The following COL11A1 variants were observed in gnomAD, a reference collection of about 807,000 sequenced individuals.
COL11A1 encodes collagen alpha-1(XI) chain.
In COL11A1, 74 loss-of-function variants were observed where a neutral mutation model predicts 265.2. The observed-to-expected ratio is 0.28, with a 90% CI of 0.23 to 0.34. COL11A1 has a LOEUF of 0.34. COL11A1 is among the 10% of genes least tolerant of loss of function. COL11A1 has a pLI of 1.00. For missense variants in COL11A1, 2,165 were observed against 2,263.6 expected (o/e 0.96, Z 0.88); for synonymous variants, 816 against 727.6 (o/e 1.12, Z -1.96).
At chr1:102,916,707 T>C (rs181759371) in intron 49 of COL11A1, among the ~76,000 whole-genome samples, 179 of 152,098 alleles carry the variant, frequency 1.2e-3, no homozygotes, top group African/African-American at 3.9e-3. Flanking sequence ...AATTACCCAC[T>C]TAATGGTGGA....
In COL11A1 at chr1:102,899,505, A is replaced by G. The variant is rs984710400; in HGVS notation, c.4087-511T>C. On this transcript the variant is annotated intron_variant, in intron 54 of 66. Transcript: ENST00000370096. ...GATGGTCAACAGACACAGTATTTTC[A>G]TTTTTGAGAACTATGCAGTTCACAT... 2.0e-5 allele frequency among the ~76,000 whole-genome samples: 3 copies of G among 152,150 alleles called. No homozygotes were observed. The East Asian group carries it at 5.8e-4, about 29-fold the overall frequency.
At chr1:102,914,437 A>G in intron 51 of COL11A1, 32 bp from the exon 52 acceptor site, 3 of 1,559,580 alleles carry the variant, frequency 1.9e-6, no homozygotes, top group Non-Finnish European at 2.6e-6. Flanking sequence ...AAAAGAAATA[A>G]ATGAAAAATA....
chr1:102,908,891 C>A lies in COL11A1; in HGVS notation c.4086+3268G>T, dbSNP rs1654313967. Among the ~76,000 whole-genome samples, 4 of 152,042 alleles carry A rather than the reference C, an allele frequency of 2.6e-5. No homozygotes were observed. In the South Asian group the frequency reaches 8.3e-4, roughly 31 times the overall value. ...TAACAATGTTGTCTAGTTAGAAATA[C>A]TGGCAGGAATGAGAGTAACATAATT... On this transcript the variant is annotated intron_variant, in intron 54 of 66. Coordinates refer to ENST00000370096, the MANE Select transcript of COL11A1 (RefSeq NM_001854.4).
At chr1:102,911,151 A>T (rs1654625578) in intron 54 of COL11A1, among the ~76,000 whole-genome samples, 1 of 152,126 alleles carries the variant, frequency 6.6e-6, no homozygotes, top group African/African-American at 2.4e-5. Flanking sequence ...TAGACACAAT[A>T]ATAATAATAA....
chr1:102,929,197 T>A (rs1219255885), intron 46 of COL11A1, among the ~76,000 whole-genome samples: 12 of 131,096 alleles, frequency 9.2e-5, no homozygotes, highest in Admixed American at 1.6e-4. Context: ...AATGCCTAGG[T>A]TTTCTCCTAG....
At chr1:103,101,477 A>C (rs1415358) in intron 1 of COL11A1, among the ~76,000 whole-genome samples, 145,490 of 151,890 alleles carry the variant, frequency 0.96, 69,961 homozygotes, top group Non-Finnish European at 1. Flanking sequence ...TCTTATTAGC[A>C]AGCTACTGCT....
chr1:102,996,722 A>G (rs2101798643), intron 26 of COL11A1, among the ~76,000 whole-genome samples: 1 of 152,096 alleles, frequency 6.6e-6, no homozygotes, highest in Non-Finnish European at 1.5e-5. Flanking sequence ...TTAACATTTA[A>G]TTAGATAATG....
At chr1:103,010,129 A>G (rs1665978699) in intron 14 of COL11A1, among the ~76,000 whole-genome samples, 1 of 152,200 alleles carries the variant, frequency 6.6e-6, no homozygotes, top group Non-Finnish European at 1.5e-5. Flanking sequence ...TGAATGTTTT[A>G]TGATACAGTC....
chr1:103,086,439 C>T (rs540016334), intron 1 of COL11A1, among the ~76,000 whole-genome samples: 18 of 150,412 alleles, frequency 1.2e-4, no homozygotes, highest in African/African-American at 3.9e-4. Flanking sequence ...GTTTTTGAGA[C>T]GGAGTCTTGC....
intron 6 of COL11A1, chr1:103,026,012 A>G (rs1667482894): frequency 1.3e-6 from 2 of 1,539,774 alleles, no homozygotes; most frequent in Admixed American, 1.7e-5. Context: ...GGAAATATAG[A>G]GCACAGATGA....
rs1571067732 is a variant in COL11A1, at chr1:103,022,733, T to A, written c.1245+9A>T. ...ACATACAATGACACAGTGCATAGTA[T>A]CAACTTACGCTTGTTTCTGTAATAT... On this transcript the variant is annotated intron_variant, in intron 8 of 66. Coordinates refer to ENST00000370096, the MANE Select transcript of COL11A1 (RefSeq NM_001854.4). 6.8e-6 allele frequency: 11 copies of A among 1,613,416 alleles called. No homozygotes were observed. The highest frequency in any genetic ancestry group is 9.3e-6 in the Non-Finnish European group (11 of 1,179,950).
intron 6 of COL11A1, 178 bp from the exon 7 acceptor site, chr1:103,025,791 C>G (rs780770165): frequency 1.2e-6 from 2 of 1,612,690 alleles, no homozygotes; most frequent in South Asian, 2.2e-5. Flanking sequence ...ATTGCTTTTT[C>G]TTCGCTACCT....
At chr1:102,925,419 A>G (rs1181470754) in intron 46 of COL11A1, among the ~76,000 whole-genome samples, 1 of 152,084 alleles carries the variant, frequency 6.6e-6, no homozygotes, top group African/African-American at 2.4e-5. Flanking sequence ...TACTGAATAT[A>G]TTTATATATT....
intron 4 of COL11A1, among the ~76,000 whole-genome samples, chr1:103,034,363 C>A (rs890488231): frequency 6.6e-5 from 10 of 151,196 alleles, no homozygotes; most frequent in South Asian, 2.1e-4. Flanking sequence ...CTGAGGCTGT[C>A]AACTTTTTTT....
At chr1:103,072,195 T>A (rs912555251) in intron 4 of COL11A1, among the ~76,000 whole-genome samples, 1 of 151,938 alleles carries the variant, frequency 6.6e-6, no homozygotes, top group Non-Finnish European at 1.5e-5. Flanking sequence ...TTTAAAATCA[T>A]CTTCAGTTTT....
intron 46 of COL11A1, among the ~76,000 whole-genome samples, chr1:102,925,198 A>C (rs1656458427): frequency 6.6e-6 from 1 of 152,088 alleles, no homozygotes; most frequent in Non-Finnish European, 1.5e-5. Context: ...ATTTTACTTA[A>C]TGCTCCCTAA....
At chr1:103,101,782 T>C (rs1399276875) in intron 1 of COL11A1, among the ~76,000 whole-genome samples, 2 of 152,088 alleles carry the variant, frequency 1.3e-5, no homozygotes, top group African/African-American at 4.8e-5. Flanking sequence ...CAAAAGTTAA[T>C]TGTGCTAAAG....
chr1:102,899,953 C>T (rs1047349820), intron 54 of COL11A1, among the ~76,000 whole-genome samples: 6 of 152,122 alleles, frequency 3.9e-5, no homozygotes, highest in African/African-American at 1.4e-4. Flanking sequence ...TTGGAGGGTA[C>T]AACGTGCATT....
intron 1 of COL11A1, among the ~76,000 whole-genome samples, chr1:103,090,904 T>G (rs1055330203): frequency 1.3e-5 from 2 of 152,146 alleles, no homozygotes; most frequent in South Asian, 2.1e-4. Context: ...CCATTCAAAA[T>G]CATCCATAAA....
Sources: gnomAD v4.1 joint callset for allele counts (sites outside exome capture counted in the v4.1 genomes callset) on GRCh38, gnomAD v4.1.1 for gene constraint, MANE v1.5 for transcripts, NCBI Gene and HGNC (gene_info 2026-07-23, HGNC 2026-07-21) for gene names.